PDZRN4: variants seen among roughly 807,000 people sequenced by gnomAD.
PDZRN4 encodes the protein PDZ domain-containing RING finger protein 4.
A neutral mutation model predicts 99.0 loss-of-function variants in PDZRN4; 70 were observed. The ratio of observed to expected loss-of-function variants is 0.71; its 90% confidence interval spans 0.58 to 0.86. PDZRN4 has a LOEUF of 0.86. Among genes scored for constraint, PDZRN4 ranks in the 40% least tolerant of loss-of-function variants. PDZRN4 has a pLI of 0.00. For synonymous variants in PDZRN4, 551 were observed against 501.6 expected (o/e 1.10, Z -1.32); for missense variants, 1,474 against 1,331.2 (o/e 1.11, Z -1.67).
chr12:41,298,920 C>T (rs1486660296), intron 3 of PDZRN4, among the ~76,000 whole-genome samples: 1 of 152,182 alleles, frequency 6.6e-6, no homozygotes, highest in African/African-American at 2.4e-5. Context: ...GATTCACTCT[C>T]TCATTGCTGT....
chr12:41,201,765 T>C (rs1369648838), intron 3 of PDZRN4, among the ~76,000 whole-genome samples: 1 of 152,128 alleles, frequency 6.6e-6, no homozygotes, highest in Non-Finnish European at 1.5e-5. Context: ...GAAAGATTAT[T>C]GTTTCTTAAG....
chr12:41,253,800 A>G (rs963761505), intron 3 of PDZRN4, among the ~76,000 whole-genome samples: 8 of 152,230 alleles, frequency 5.3e-5, no homozygotes, highest in African/African-American at 1.7e-4. Flanking sequence ...GATATTATTC[A>G]GCCACAAAAA....
rs1260693680 is a variant in PDZRN4 at position 41,563,583 on chromosome 12, A to T, written c.1401A>T (p.Ala467=). 1 of 1,613,618 alleles carries T rather than the reference A, an allele frequency of 6.2e-7. No homozygotes were observed. The highest frequency in any genetic ancestry group is 1.1e-5 in the South Asian group (1 of 91,066). The change falls in exon 8 of 10, where the codon GCA becomes GCT. Residue 467 remains alanine (A), a synonymous_variant. Coordinates refer to ENST00000402685, the MANE Select transcript of PDZRN4 (RefSeq NM_001164595.2). ...AAGATGTCCAGAATCGAGAAGAAGCAGTGGCCTTGCTGTCTAACGATGAGT... is the reference window on the plus strand; with the variant it reads ...AAGATGTCCAGAATCGAGAAGAAGCTGTGGCCTTGCTGTCTAACGATGAGT... ...NGEDVQNREE[A]VALLSNDECK...
rs1951188310 is a variant in PDZRN4, at chr12:41,254,042, T to C, written c.843+59854T>C. ...ATATATATATGTGTGTGCGTGTGTGTGTGTGTGTGTGTGTTTGCGTGTGTG... is the reference window on the plus strand; with the variant it reads ...ATATATATATGTGTGTGCGTGTGTGCGTGTGTGTGTGTGTTTGCGTGTGTG... On this transcript the variant is annotated intron_variant, in intron 3 of 9. Coordinates refer to ENST00000402685, the MANE Select transcript of PDZRN4 (RefSeq NM_001164595.2). Among the ~76,000 whole-genome samples the C allele has an allele frequency of 2.7e-5, 4 of 148,292 alleles. No homozygotes were observed. The Admixed American group carries it at 2.7e-4, about 10-fold the overall frequency.
intron 2 of PDZRN4, 48 bp downstream of exon 2, chr12:41,191,592 T>A: frequency 1.2e-6 from 1 of 862,858 alleles, no homozygotes; most frequent in Non-Finnish European, 1.9e-6. Flanking sequence ...AAATAAGCAT[T>A]AATAAGCATT....
chr12:41,390,949 CTG>C (rs1015011057), intron 3 of PDZRN4, among the ~76,000 whole-genome samples: 2 of 152,094 alleles, frequency 1.3e-5, no homozygotes, highest in African/African-American at 4.8e-5. Context: ...ATAAAACAAA[CTG>C]TGCAAATTCT....
chr12:41,262,159 C>G lies in PDZRN4; in HGVS notation c.843+67971C>G, dbSNP rs187082852. 2.0e-5 allele frequency among the ~76,000 whole-genome samples: 3 copies of G among 152,328 alleles called. No individual in the cohort carries two copies. The East Asian group carries it at 5.8e-4, about 29-fold the overall frequency. On this transcript the variant is annotated intron_variant, in intron 3 of 9. Transcript: ENST00000402685. ...CCCTAAATTAGCGTCTTCTCCAAAA[C>G]GAGGACTTCTGGAACTCTTTTTCCA...
In PDZRN4 at chr12:41,209,494, G is replaced by T. The variant is rs557035946; in HGVS notation, c.843+15306G>T. Among the ~76,000 whole-genome samples, 6 of 75,754 alleles carry T rather than the reference G, an allele frequency of 7.9e-5. No homozygotes were observed. In the South Asian group the frequency reaches 2.0e-3, roughly 25 times the overall value. 49.7% of individuals were successfully genotyped at this position (75,754 alleles called of 152,430 possible). A position where few individuals can be genotyped will look rare whatever the true frequency, so the allele number is the denominator to read the frequency against. ...TATATCTCCTAATGCTATCCCTCCC[G>T]CCTCCCCCCACCCCACAACAGGCCC... On this transcript the variant is annotated intron_variant, in intron 3 of 9. Transcript: ENST00000402685.
intron 3 of PDZRN4, among the ~76,000 whole-genome samples, chr12:41,301,293 A>G (rs570992294): frequency 1.3e-5 from 2 of 152,144 alleles, no homozygotes; most frequent in East Asian, 1.9e-4. Context: ...CTAGTGTTTT[A>G]CATTTAATAC....
chr12:41,291,732 A>T (rs1321472237), intron 3 of PDZRN4, among the ~76,000 whole-genome samples: 1 of 152,134 alleles, frequency 6.6e-6, no homozygotes, highest in Non-Finnish European at 1.5e-5. Flanking sequence ...TGAAGAGAAT[A>T]AGATTATGAA....
In PDZRN4 at chr12:41,188,557, G is replaced by A. The variant is rs1177699767; in HGVS notation, c.102G>A (p.Gly34=). The change falls in exon 1 of 10, where the codon GGG becomes GGA. Residue 34 remains glycine, a synonymous_variant. Transcript: ENST00000402685. ...VLEEPLCTPC[G]HVFCASCLLP... is the part of the protein sequence containing the mutation. ...AAGAGCCCCTGTGCACGCCGTGCGGGCACGTCTTCTGCGCCAGCTGCCTGT... is the reference window on the plus strand; with the variant it reads ...AAGAGCCCCTGTGCACGCCGTGCGGACACGTCTTCTGCGCCAGCTGCCTGT... The A allele has an allele frequency of 6.4e-7, 1 of 1,557,008 alleles. No individual in the cohort carries two copies. Among genetic ancestry groups the A allele is most frequent in the South Asian group, 1.2e-5 (1 of 85,544 alleles).
intron 3 of PDZRN4, among the ~76,000 whole-genome samples, chr12:41,465,516 G>C (rs1008011375): frequency 6.6e-6 from 1 of 152,170 alleles, no homozygotes; most frequent in Non-Finnish European, 1.5e-5. Flanking sequence ...TAAATGGAAA[G>C]ATTATGTATT....
At chr12:41,277,603 C>T (rs1291471735) in intron 3 of PDZRN4, among the ~76,000 whole-genome samples, 1 of 152,194 alleles carries the variant, frequency 6.6e-6, no homozygotes, top group Non-Finnish European at 1.5e-5. Context: ...GGATGATTGA[C>T]TCTGTAGACC....
intron 3 of PDZRN4, among the ~76,000 whole-genome samples, chr12:41,442,182 CCA>C (rs562029565): frequency 1.1e-4 from 17 of 152,018 alleles, no homozygotes; most frequent in Non-Finnish European, 1.9e-4. Flanking sequence ...TGTAATTGCT[CCA>C]GACTCTATTT....
At position 41,191,553 on chromosome 12, in the gene PDZRN4, C is replaced by T. The variant is rs1424687612; in HGVS notation, c.735+9C>T. The T allele has an allele frequency of 1.6e-6, 2 of 1,247,238 alleles. No individual in the cohort carries two copies. Among genetic ancestry groups the T allele is most frequent in the Non-Finnish European group, 2.3e-6 (2 of 861,266 alleles). 77.3% of individuals were successfully genotyped at this position (1,247,238 alleles called of 1,614,324 possible). ...GAGGTCGACCAAATCAGGTAAAACA[C>T]CTTGTTAATGCATTACTCGTTACTT... On this transcript the variant is annotated intron_variant, in intron 2 of 9. Transcript: ENST00000402685.
At chr12:41,539,111 T>G (rs35667109) in intron 5 of PDZRN4, among the ~76,000 whole-genome samples, 1 of 151,456 alleles carries the variant, frequency 6.6e-6, no homozygotes, top group African/African-American at 2.4e-5. Flanking sequence ...ATATATATAT[T>G]ATGCGTAAAT....
At chr12:41,526,049 A>G (rs1938562972) in intron 5 of PDZRN4, among the ~76,000 whole-genome samples, 2 of 152,156 alleles carry the variant, frequency 1.3e-5, no homozygotes, top group South Asian at 2.1e-4. Context: ...ACTACCTTAT[A>G]ATCTCAACAA....
chr12:41,341,889 C>T (rs578036824), intron 3 of PDZRN4, among the ~76,000 whole-genome samples: 4 of 151,678 alleles, frequency 2.6e-5, no homozygotes, highest in Non-Finnish European at 4.4e-5. Context: ...CCTGAACAGC[C>T]AAAGCAATCC....
At chr12:41,230,165 C>T (rs964784441) in intron 3 of PDZRN4, among the ~76,000 whole-genome samples, 3 of 151,686 alleles carry the variant, frequency 2.0e-5, no homozygotes, top group Admixed American at 6.6e-5. Context: ...TAAGCCACCC[C>T]CTCTCCAGCT....
Sources: allele counts gnomAD v4.1 joint callset (sites outside exome capture counted in the v4.1 genomes callset), GRCh38; gene constraint gnomAD v4.1.1; transcripts MANE v1.5; gene names NCBI Gene and HGNC (gene_info 2026-07-23, HGNC 2026-07-21).